PIK3C2G: variants seen among roughly 807,000 people sequenced by gnomAD.
The protein encoded by PIK3C2G is phosphatidylinositol-4-phosphate 3-kinase catalytic subunit type 2 gamma.
In PIK3C2G, 168 loss-of-function variants were observed where a neutral mutation model predicts 181.1. The ratio of observed to expected loss-of-function variants is 0.93; its 90% CI spans 0.82 to 1.05. The LOEUF (loss-of-function observed/expected upper bound fraction) is 1.05, where lower values mean the gene tolerates loss of function less well. Among genes scored for constraint, PIK3C2G ranks in the 50% least tolerant of loss-of-function variants. The probability of loss-of-function intolerance (pLI) is 0.00; values close to 1 mark genes in which losing one functional copy is unlikely to be tolerated. For synonymous variants in PIK3C2G, 573 were observed against 592.2 expected, an observed-to-expected ratio of 0.97 and a Z score of 0.47; for missense variants, 1,869 against 1,732.8, an observed-to-expected ratio of 1.08 and a Z score of -1.40.
chr12:18,663,393 C>G, the PIK3C2G span, among the ~76,000 whole-genome samples: 1 of 152,018 alleles, frequency 6.6e-6, no homozygotes, highest in Non-Finnish European at 1.5e-5. Flanking sequence ...AGTATAATAA[C>G]TATTTACATA....
At chr12:18,301,791 T>A (rs1317383117) in intron 5 of PIK3C2G, among the ~76,000 whole-genome samples, 1 of 152,230 alleles carries the variant, frequency 6.6e-6, no homozygotes, top group African/African-American at 2.4e-5. Flanking sequence ...ATATTTCTTA[T>A]GTCTTTACAC....
At chr12:18,603,641 AAGGAAAAGCT>A (rs1424648202) in intron 30 of PIK3C2G, among the ~76,000 whole-genome samples, 7 of 152,142 alleles carry the variant, frequency 4.6e-5, no homozygotes, top group Non-Finnish European at 8.8e-5. Context: ...TTAACCTATA[AAGGAAAAGCT>A]ATCAGATTAA....
chr12:18,714,299 T>G, the PIK3C2G span, among the ~76,000 whole-genome samples: 1 of 152,324 alleles, frequency 6.6e-6, no homozygotes, highest in East Asian at 1.9e-4. Flanking sequence ...AGCTAATATG[T>G]GCCAACCACA....
At chr12:18,269,285 T>C (rs1565536430) in intron 1 of PIK3C2G, among the ~76,000 whole-genome samples, 2 of 152,196 alleles carry the variant, frequency 1.3e-5, no homozygotes, top group African/African-American at 4.8e-5. Flanking sequence ...TAAGTAGGTA[T>C]CTGTTCATAT....
chr12:18,276,558 C>A (rs1467340306), intron 1 of PIK3C2G, among the ~76,000 whole-genome samples: 2 of 152,104 alleles, frequency 1.3e-5, no homozygotes, highest in Admixed American at 1.3e-4. Context: ...ATGAATTTTA[C>A]TTTTGCTTTT....
chr12:18,477,504 TACATA>T (rs1450407549), intron 18 of PIK3C2G, among the ~76,000 whole-genome samples: 7 of 152,106 alleles, frequency 4.6e-5, no homozygotes, highest in African/African-American at 1.4e-4. Flanking sequence ...ATAGGTAAAT[TACATA>T]ACATAAGTCA....
intron 11 of PIK3C2G, among the ~76,000 whole-genome samples, chr12:18,351,730 T>A (rs80053486): frequency 1.3e-5 from 2 of 152,350 alleles, no homozygotes; most frequent in East Asian, 3.9e-4. Flanking sequence ...TCATCCTGTA[T>A]ACTGTAAATC....
chr12:18,705,171 G>C, the PIK3C2G span: 1 of 1,613,942 alleles, frequency 6.2e-7, no homozygotes, highest in Admixed American at 1.7e-5. Flanking sequence ...GTTACCTCTG[G>C]TGATGGTAGA....
chr12:18,486,063 T>G (rs979294969), intron 18 of PIK3C2G, among the ~76,000 whole-genome samples: 22 of 152,152 alleles, frequency 1.4e-4, no homozygotes, highest in African/African-American at 5.1e-4. Flanking sequence ...TCATTTAAAG[T>G]GTCTGTGCCT....
At chr12:18,640,645 G>A (rs1447668683) in intron 32 of PIK3C2G, 91 bp downstream of exon 32, 2 of 1,173,546 alleles carry the variant, frequency 1.7e-6, no homozygotes, top group South Asian at 1.5e-5. Context: ...TGCAGTAATT[G>A]GCAGCATTAT....
At chr12:18,463,175 TTTAG>T (rs1353260557) in intron 18 of PIK3C2G, among the ~76,000 whole-genome samples, 4 of 152,210 alleles carry the variant, frequency 2.6e-5, no homozygotes, top group Non-Finnish European at 5.9e-5. Context: ...TCAGATTTGC[TTTAG>T]TTATTCATTG....
the PIK3C2G span, chr12:18,684,186 A>G: frequency 6.2e-7 from 1 of 1,612,350 alleles, no homozygotes; most frequent in African/African-American, 1.3e-5. Context: ...ATTTCCTGCT[A>G]TTAAACCTTG....
At chr12:18,708,932 G>A in the PIK3C2G span, among the ~76,000 whole-genome samples, 1 of 151,892 alleles carries the variant, frequency 6.6e-6, no homozygotes, top group African/African-American at 2.4e-5. Context: ...TACATGGTTT[G>A]CAAATATTTT....
chr12:18,653,589 G>A, the PIK3C2G span, among the ~76,000 whole-genome samples: 3 of 152,124 alleles, frequency 2.0e-5, no homozygotes, highest in Non-Finnish European at 4.4e-5. Flanking sequence ...TTGTATGTGT[G>A]CATGCTATTT....
chr12:18,260,655 C>T (rs1435370853), upstream of PIK3C2G, among the ~76,000 whole-genome samples: 2 of 151,760 alleles, frequency 1.3e-5, no homozygotes, highest in Non-Finnish European at 1.5e-5. Context: ...TTACAGAAAA[C>T]TACTATAAAT....
intron 29 of PIK3C2G, among the ~76,000 whole-genome samples, chr12:18,578,121 C>G (rs1029317005): frequency 1.3e-5 from 2 of 152,272 alleles, no homozygotes; most frequent in Admixed American, 6.5e-5. Flanking sequence ...AGGTATCTGT[C>G]TTGCATTTCA....
At position 18,509,262 on chromosome 12, in the gene PIK3C2G, G is replaced by T. The variant is rs201231919; in HGVS notation, c.3323+3801G>T. 7.9e-5 allele frequency among the ~76,000 whole-genome samples: 12 copies of T among 152,152 alleles called. No individual in the cohort carries two copies. In the East Asian group the frequency reaches 2.3e-3, roughly 30 times the overall value. ...AGGGTTTCACTCTGTTGGCCAGACT[G>T]GTCTCGAACTCCCGACCTCAGGCAA... On this transcript the variant is annotated intron_variant, in intron 24 of 32. Coordinates refer to ENST00000538779, the MANE Select transcript of PIK3C2G (RefSeq NM_001288772.2).
At chr12:18,547,491 C>A (rs148561982) in intron 26 of PIK3C2G, among the ~76,000 whole-genome samples, 35 of 152,018 alleles carry the variant, frequency 2.3e-4, no homozygotes, top group Non-Finnish European at 3.7e-4. Context: ...AATAGACATT[C>A]AAGTGAGAAA....
intron 31 of PIK3C2G, among the ~76,000 whole-genome samples, chr12:18,612,100 C>G (rs1948369196): frequency 6.6e-6 from 1 of 152,088 alleles, no homozygotes; most frequent in Admixed American, 6.6e-5. Flanking sequence ...TCATCTCCAG[C>G]CACAGACTCC....
Sources: allele counts gnomAD v4.1 joint callset (sites outside exome capture counted in the v4.1 genomes callset), GRCh38; gene constraint gnomAD v4.1.1; transcripts MANE v1.5; gene names NCBI Gene and HGNC (gene_info 2026-07-23, HGNC 2026-07-21).